Variants in PKIB observed in about 807,000 individuals in gnomAD.
PKIB encodes cAMP-dependent protein kinase inhibitor beta.
In PKIB, 2 loss-of-function variants were observed where a neutral mutation model predicts 4.5. The observed-to-expected ratio is 0.44, with a 90% CI of 0.18 to 1.39. PKIB has a LOEUF of 1.39. Among genes scored for constraint, PKIB ranks in the 40% most tolerant of loss-of-function variants. The pLI, the probability that PKIB is intolerant of heterozygous loss-of-function variation, is 0.27. For synonymous variants in PKIB, 38 were observed against 36.0 expected (o/e 1.06, Z -0.20); for missense variants, 94 against 92.6 (o/e 1.02, Z -0.06).
upstream of PKIB, among the ~76,000 whole-genome samples, chr6:122,607,204 T>C (rs2114750839): frequency 6.6e-6 from 1 of 152,200 alleles, no homozygotes; most frequent in South Asian, 2.1e-4. Flanking sequence ...GCAAGGCATG[T>C]GGCTTATGCC....
At chr6:122,659,250 A>G (rs889263135) in intron 2 of PKIB, among the ~76,000 whole-genome samples, 1 of 152,188 alleles carries the variant, frequency 6.6e-6, no homozygotes, top group African/African-American at 2.4e-5. Context: ...ATAAACTTGA[A>G]TGTATTTTTA....
chr6:122,522,722 C>T (rs1776983402), intron 2 of PKIB, among the ~76,000 whole-genome samples: 1 of 152,156 alleles, frequency 6.6e-6, no homozygotes, highest in African/African-American at 2.4e-5. Flanking sequence ...TGCTTCTGCT[C>T]ACCCTCCGTG....
intron 3 of PKIB, among the ~76,000 whole-genome samples, chr6:122,699,760 A>G (rs1330378441): frequency 6.6e-6 from 1 of 152,134 alleles, no homozygotes. Flanking sequence ...TCTAATTTCC[A>G]TTTATTTTTC....
chr6:122,553,500 T>TTTTTTTTTTTTTTTTTTTTG (rs1772750502), intron 2 of PKIB, among the ~76,000 whole-genome samples: 1 of 140,552 alleles, frequency 7.1e-6, no homozygotes, highest in African/African-American at 2.6e-5. Context: ...TTTTTTTTTT[T>TTTTTTTTTTTTTTTTTTTTG]TTTCTGAAAA....
chr6:122,607,418 T>C (rs1454808896), upstream of PKIB, among the ~76,000 whole-genome samples: 1 of 152,194 alleles, frequency 6.6e-6, no homozygotes, highest in Non-Finnish European at 1.5e-5. Context: ...CTCTGGAGGC[T>C]AAGGTGGGAA....
At chr6:122,684,308 A>G (rs1778013042) in intron 3 of PKIB, among the ~76,000 whole-genome samples, 1 of 152,204 alleles carries the variant, frequency 6.6e-6, no homozygotes, top group Non-Finnish European at 1.5e-5. Flanking sequence ...TTCTACACTT[A>G]AAAATTTGTT....
intron 2 of PKIB, among the ~76,000 whole-genome samples, chr6:122,573,121 C>T (rs566442517): frequency 3.2e-4 from 49 of 152,176 alleles, no homozygotes; most frequent in African/African-American, 8.4e-4. Context: ...TATTCTGAAG[C>T]CAGTATAACA....
intron 3 of PKIB, among the ~76,000 whole-genome samples, chr6:122,684,804 G>GTT (rs1778033970): frequency 6.6e-6 from 1 of 152,002 alleles, no homozygotes; most frequent in African/African-American, 2.4e-5. Flanking sequence ...ATTGTCACTT[G>GTT]TTTTGTTTTC....
intron 3 of PKIB, among the ~76,000 whole-genome samples, chr6:122,696,702 T>G (rs9320889): frequency 0.99 from 150,579 of 152,308 alleles, 74,455 homozygotes; most frequent in Middle Eastern, 1. Context: ...TCCAGAGATG[T>G]AACAAAGAGG....
intron 1 of PKIB, among the ~76,000 whole-genome samples, chr6:122,631,189 G>A (rs1562277471): frequency 6.6e-6 from 1 of 152,254 alleles, no homozygotes; most frequent in African/African-American, 2.4e-5. Flanking sequence ...TTCTATTAGT[G>A]TCCAGTAATG....
chr6:122,550,645 C>T (rs1242218468), intron 2 of PKIB, among the ~76,000 whole-genome samples: 2 of 152,094 alleles, frequency 1.3e-5, no homozygotes, highest in Non-Finnish European at 2.9e-5. Context: ...GCTCTCCATC[C>T]CTTTTCTATT....
chr6:122,589,658 G>A (rs1268565214), intron 3 of PKIB, among the ~76,000 whole-genome samples: 2 of 152,134 alleles, frequency 1.3e-5, no homozygotes, highest in Non-Finnish European at 2.9e-5. Context: ...TAGACTAGGG[G>A]CAAGGAGAGA....
intron 3 of PKIB, among the ~76,000 whole-genome samples, chr6:122,686,246 T>C (rs1005596047): frequency 6.6e-5 from 10 of 152,186 alleles, no homozygotes; most frequent in Non-Finnish European, 1.3e-4. Context: ...TCCACAGTGA[T>C]TGTACAAATT....
intron 3 of PKIB, among the ~76,000 whole-genome samples, chr6:122,715,757 A>T (rs1779466068): frequency 6.6e-6 from 1 of 151,980 alleles, no homozygotes; most frequent in South Asian, 2.1e-4. Context: ...TAAAAATAAT[A>T]AAGGCAGAAT....
At chr6:122,550,332 A>C (rs776000360) in intron 2 of PKIB, among the ~76,000 whole-genome samples, 72 of 152,158 alleles carry the variant, frequency 4.7e-4, no homozygotes, top group Non-Finnish European at 8.4e-4. Context: ...TCCCTTCCCT[A>C]TTTCCTACAA....
upstream of PKIB, among the ~76,000 whole-genome samples, chr6:122,605,747 C>T (rs990937096): frequency 1.3e-5 from 2 of 152,138 alleles, no homozygotes; most frequent in Non-Finnish European, 2.9e-5. Context: ...AGGTACATGA[C>T]TTCTCAGTGG....
chr6:122,623,588 T>C (rs1197418204), intron 1 of PKIB, among the ~76,000 whole-genome samples: 1 of 152,192 alleles, frequency 6.6e-6, no homozygotes, highest in Non-Finnish European at 1.5e-5. Flanking sequence ...GGCTCTGTTC[T>C]GTATACAAAA....
chr6:122,673,877 A>G (rs1335473862), intron 2 of PKIB, among the ~76,000 whole-genome samples: 1 of 152,216 alleles, frequency 6.6e-6, no homozygotes, highest in Admixed American at 6.5e-5. Flanking sequence ...GATCTATACC[A>G]GAGTGTTTTA....
chr6:122,679,006 C>A (rs1434522934), intron 3 of PKIB, among the ~76,000 whole-genome samples: 4 of 152,226 alleles, frequency 2.6e-5, no homozygotes. Flanking sequence ...ACCACTGCCT[C>A]CAACTTGTGT....
Sources: gnomAD v4.1 joint callset for allele counts (sites outside exome capture counted in the v4.1 genomes callset) on GRCh38, gnomAD v4.1.1 for gene constraint, MANE v1.5 for transcripts, NCBI Gene and HGNC (gene_info 2026-07-23, HGNC 2026-07-21) for gene names.